Variants in PTPRD observed in about 807,000 individuals in gnomAD.
PTPRD encodes protein tyrosine phosphatase receptor type D, also known as receptor-type tyrosine-protein phosphatase delta.
PTPRD carries 34 observed loss-of-function variants against 214.5 expected under a neutral mutation model. That is an observed-to-expected ratio of 0.16 (90% CI 0.12 to 0.21). The LOEUF (loss-of-function observed/expected upper bound fraction) is 0.21, where lower values mean the gene tolerates loss of function less well. Among genes scored for constraint, PTPRD ranks in the 10% least tolerant of loss-of-function variants. The probability of loss-of-function intolerance (pLI) is 1.00; values close to 1 mark genes in which losing one functional copy is unlikely to be tolerated. For missense variants in PTPRD, 2,545 were observed against 2,398.7 expected (o/e 1.06, Z -1.27); for synonymous variants, 1,128 against 845.7 (o/e 1.33, Z -5.79).
chr9:8,846,790 G>C (rs543852277), intron 11 of PTPRD, among the ~76,000 whole-genome samples: 5 of 152,288 alleles, frequency 3.3e-5, no homozygotes, highest in East Asian at 1.9e-4. Context: ...AAGAGACAAA[G>C]CAGAGGAAAG....
At chr9:8,674,880 A>C (rs2097369262) in intron 12 of PTPRD, among the ~76,000 whole-genome samples, 1 of 152,066 alleles carries the variant, frequency 6.6e-6, no homozygotes, top group Non-Finnish European at 1.5e-5. Context: ...TGCTTCCTTC[A>C]CTAAACTAGC....
At chr9:10,461,109 T>C (rs552273516) in intron 2 of PTPRD, among the ~76,000 whole-genome samples, 2 of 152,078 alleles carry the variant, frequency 1.3e-5, no homozygotes, top group East Asian at 1.9e-4. Flanking sequence ...TCTCCAAAGA[T>C]GACATAAAAA....
chr9:10,129,853 A>T (rs1040701382), intron 3 of PTPRD, among the ~76,000 whole-genome samples: 1 of 152,114 alleles, frequency 6.6e-6, no homozygotes, highest in Admixed American at 6.6e-5. Flanking sequence ...AGCTTAAAAC[A>T]CCATCATCAG....
chr9:10,012,129 T>C (rs2096613228), intron 4 of PTPRD, among the ~76,000 whole-genome samples: 1 of 152,016 alleles, frequency 6.6e-6, no homozygotes, highest in Admixed American at 6.6e-5. Flanking sequence ...ATTTATTTAA[T>C]TATTGAAAGT....
chr9:10,007,946 T>C (rs1013318480), intron 4 of PTPRD, among the ~76,000 whole-genome samples: 1 of 152,010 alleles, frequency 6.6e-6, no homozygotes, highest in Admixed American at 6.6e-5. Context: ...CATATTTCTA[T>C]ACTTAAGAAC....
chr9:8,708,100 T>C (rs1163608052), intron 12 of PTPRD, among the ~76,000 whole-genome samples: 1 of 152,200 alleles, frequency 6.6e-6, no homozygotes, highest in Non-Finnish European at 1.5e-5. Flanking sequence ...AGGGGAAATC[T>C]CAATCCAACA....
intron 11 of PTPRD, among the ~76,000 whole-genome samples, chr9:8,853,318 A>C (rs2097853944): frequency 6.6e-6 from 1 of 152,192 alleles, no homozygotes; most frequent in African/African-American, 2.4e-5. Flanking sequence ...TGAGGCTATA[A>C]TTTCATATAA....
At chr9:9,457,214 G>A (rs568377483) in intron 8 of PTPRD, among the ~76,000 whole-genome samples, 43 of 152,024 alleles carry the variant, frequency 2.8e-4, no homozygotes, top group Non-Finnish European at 5.6e-4. Context: ...TTATTAACAT[G>A]AAGTTCCATT....
rs914472228 is a variant in PTPRD, at chr9:9,785,843, G to C, written c.-367-18992C>G. Among the ~76,000 whole-genome samples, 3 of 151,938 alleles carry C rather than the reference G, an allele frequency of 2.0e-5. No individual in the cohort carries two copies. The South Asian group carries it at 6.2e-4, about 32-fold the overall frequency. On this transcript the variant is annotated intron_variant, in intron 5 of 45. Coordinates refer to ENST00000381196, the MANE Select transcript of PTPRD (RefSeq NM_002839.4). ...AGCTGGATATGGGGTACATACAAAA[G>C]GTACCATTTTTGCACAATTCCTGCT...
chr9:9,731,244 G>A (rs578095613), intron 7 of PTPRD, among the ~76,000 whole-genome samples: 2 of 151,956 alleles, frequency 1.3e-5, no homozygotes, highest in South Asian at 2.1e-4. Context: ...ATTTAATTTG[G>A]AATCTAAGTT....
intron 2 of PTPRD, among the ~76,000 whole-genome samples, chr9:10,394,617 G>T (rs2098133531): frequency 6.6e-6 from 1 of 151,882 alleles, no homozygotes; most frequent in African/African-American, 2.4e-5. Flanking sequence ...CTCTTTAAGT[G>T]AGTAACTCGC....
Position 8,992,089 on chromosome 9 carries a change from G to A in PTPRD, c.-104+26608C>T, listed in dbSNP as rs561500572. ...ATTTACCTTCCTTTAATAGTCTCCTGTTTGGCGGCCCAAACAAGGACTCTG... is the reference window on the plus strand; with the variant it reads ...ATTTACCTTCCTTTAATAGTCTCCTATTTGGCGGCCCAAACAAGGACTCTG... On this transcript the variant is annotated intron_variant, in intron 11 of 45. Coordinates refer to ENST00000381196, the MANE Select transcript of PTPRD (RefSeq NM_002839.4). 3.3e-5 allele frequency among the ~76,000 whole-genome samples: 5 copies of A among 152,148 alleles called. No homozygotes were observed. In the South Asian group the frequency reaches 1.0e-3, roughly 32 times the overall value.
Position 9,662,238 on chromosome 9 carries a change from T to C in PTPRD, c.-287+72295A>G, listed in dbSNP as rs1466815891. On this transcript the variant is annotated intron_variant, in intron 7 of 45. Coordinates refer to ENST00000381196, the MANE Select transcript of PTPRD (RefSeq NM_002839.4). The stretch of plus-strand genomic sequence containing the variant: ...TTACAGAACCTGCTACTATAAAGTA[T>C]CATAACAAAACCATTACCTAATTGT... 3.3e-5 allele frequency among the ~76,000 whole-genome samples: 5 copies of C among 151,636 alleles called. No individual in the cohort carries two copies. In the East Asian group the frequency reaches 9.6e-4, roughly 29 times the overall value.
In PTPRD at chr9:9,936,903, T is replaced by C. The variant is rs549184270; in HGVS notation, c.-368+1604A>G. 2.7e-5 allele frequency among the ~76,000 whole-genome samples: 4 copies of C among 146,756 alleles called. No homozygotes were observed. The South Asian group carries it at 8.9e-4, about 33-fold the overall frequency. The stretch of plus-strand genomic sequence containing the variant: ...TGGAATACTATGCAGCCATAAAAAA[T>C]GATGAGTTCATGTCCTTTGTAGGGA... On this transcript the variant is annotated intron_variant, in intron 5 of 45. Coordinates refer to ENST00000381196, the MANE Select transcript of PTPRD (RefSeq NM_002839.4).
intron 9 of PTPRD, among the ~76,000 whole-genome samples, chr9:9,206,457 CAACTT>C (rs755274925): frequency 1.3e-5 from 2 of 152,078 alleles, no homozygotes; most frequent in Admixed American, 1.3e-4. Context: ...TATTGAGTGT[CAACTT>C]GATTGGACTG....
intron 44 of PTPRD, among the ~76,000 whole-genome samples, chr9:8,321,146 C>A (rs1427625438): frequency 6.6e-6 from 1 of 151,990 alleles, no homozygotes; most frequent in Non-Finnish European, 1.5e-5. Context: ...AAGCAGATGA[C>A]CTTGAAGGTC....
intron 44 of PTPRD, among the ~76,000 whole-genome samples, chr9:8,329,393 T>C (rs1837339966): frequency 2.0e-5 from 3 of 152,126 alleles, no homozygotes; most frequent in African/African-American, 7.2e-5. Context: ...GGAAGCTTCA[T>C]CCCAGAGGAG....
At chr9:10,570,201 C>A (rs1028938941) in intron 2 of PTPRD, among the ~76,000 whole-genome samples, 1 of 152,080 alleles carries the variant, frequency 6.6e-6, no homozygotes, top group Non-Finnish European at 1.5e-5. Flanking sequence ...CATTTGTTAT[C>A]CATACTCTCC....
At chr9:8,337,243 A>G (rs933270028) in intron 43 of PTPRD, among the ~76,000 whole-genome samples, 11 of 152,202 alleles carry the variant, frequency 7.2e-5, no homozygotes, top group African/African-American at 2.7e-4. Flanking sequence ...TGTGGCACAT[A>G]TACACTATGG....
Sources: gnomAD v4.1 joint callset for allele counts (sites outside exome capture counted in the v4.1 genomes callset) on GRCh38, gnomAD v4.1.1 for gene constraint, MANE v1.5 for transcripts, NCBI Gene and HGNC (gene_info 2026-07-23, HGNC 2026-07-21) for gene names.